Variants in SLC25A48 observed in about 807,000 individuals in gnomAD.
SLC25A48 encodes solute carrier family 25 member 48.
Under a neutral mutation model 32.2 loss-of-function variants are expected in SLC25A48, and 29 were observed. That is an observed-to-expected ratio of 0.90 (90% CI 0.67 to 1.23). SLC25A48 has a LOEUF of 1.23. Among genes scored for constraint, SLC25A48 ranks in the 50% most tolerant of loss-of-function variants. SLC25A48 has a pLI of 0.00. For synonymous variants in SLC25A48, 164 were observed against 172.3 expected (o/e 0.95, Z 0.38); for missense variants, 399 against 422.7 (o/e 0.94, Z 0.49).
In SLC25A48 at chr5:135,684,299, TC is replaced by T. The variant is rs994012523; in HGVS notation, c.-521+49348del. 3.9e-5 allele frequency among the ~76,000 whole-genome samples: 6 copies of T among 152,142 alleles called. No individual in the cohort carries two copies. The East Asian group carries it at 1.2e-3, about 29-fold the overall frequency. On this transcript the variant is annotated intron_variant, in intron 3 of 10. Transcript: ENST00000646290. ...CAATTCTTTAATTTTTACTCCCTTC[TC>T]CCCCTTTTTTTTCCTCCACAAATGG... is the stretch of plus-strand genomic sequence containing the variant.
At chr5:135,692,360 C>G (rs184043249) in intron 3 of SLC25A48, among the ~76,000 whole-genome samples, 1 of 135,824 alleles carries the variant, frequency 7.4e-6, no homozygotes, top group Non-Finnish European at 1.6e-5. Context: ...CGTGCTAGTT[C>G]TTTGTCTGGC....
At chr5:135,764,104 G>T (rs971287238) in intron 3 of SLC25A48, among the ~76,000 whole-genome samples, 1 of 152,074 alleles carries the variant, frequency 6.6e-6, no homozygotes, top group African/African-American at 2.4e-5. Flanking sequence ...ATCGCAAGGG[G>T]TGTACACCCC....
intron 3 of SLC25A48, among the ~76,000 whole-genome samples, chr5:135,669,144 G>A (rs1561783099): frequency 6.6e-6 from 1 of 152,124 alleles, no homozygotes; most frequent in Non-Finnish European, 1.5e-5. Context: ...TTAAGAAACA[G>A]GCCATGAGAG....
chr5:135,682,105 A>C (rs2126951011), intron 3 of SLC25A48, among the ~76,000 whole-genome samples: 1 of 152,312 alleles, frequency 6.6e-6, no homozygotes, highest in South Asian at 2.1e-4. Context: ...TTTGCCTCCC[A>C]AAATTCTTAA....
intron 4 of SLC25A48, among the ~76,000 whole-genome samples, chr5:135,864,020 A>C (rs4246802): frequency 0.8 from 121,328 of 152,090 alleles, 48,586 homozygotes; most frequent in Middle Eastern, 0.89. Flanking sequence ...TGAAGACCAT[A>C]TGGATAGAAA....
chr5:135,885,728 G>A (rs1382720241), intron 7 of SLC25A48, among the ~76,000 whole-genome samples: 2 of 152,196 alleles, frequency 1.3e-5, no homozygotes, highest in Non-Finnish European at 2.9e-5. Flanking sequence ...GGGCAAAAAT[G>A]CAAGCATGAC....
chr5:135,747,264 T>G (rs1755663455), intron 3 of SLC25A48, among the ~76,000 whole-genome samples: 1 of 151,788 alleles, frequency 6.6e-6, no homozygotes, highest in Admixed American at 6.6e-5. Context: ...ATATATGATA[T>G]CTATATATAT....
At chr5:135,748,273 G>A (rs1755689423) in intron 3 of SLC25A48, among the ~76,000 whole-genome samples, 1 of 152,130 alleles carries the variant, frequency 6.6e-6, no homozygotes, top group African/African-American at 2.4e-5. Context: ...ACTATACATT[G>A]GAGGGCAGGA....
intron 7 of SLC25A48, chr5:135,883,082 T>C: frequency 2.0e-6 from 2 of 985,412 alleles, no homozygotes; most frequent in Non-Finnish European, 2.4e-6. Context: ...CATTAACAGG[T>C]CAATGCTAAA....
intron 3 of SLC25A48, among the ~76,000 whole-genome samples, chr5:135,673,957 A>G (rs1428724477): frequency 2.0e-5 from 3 of 151,752 alleles, no homozygotes; most frequent in African/African-American, 7.3e-5. Flanking sequence ...TTCTTATACA[A>G]GTTGTTCTAA....
At chr5:135,842,596 G>A in intron 2 of SLC25A48, 137 bp downstream of exon 2, 1 of 860,374 alleles carries the variant, frequency 1.2e-6, no homozygotes, top group Non-Finnish European at 1.8e-6. Flanking sequence ...TCCAGGGGGT[G>A]TTGGGTGCCA....
chr5:135,712,700 T>C (rs1228105408), intron 3 of SLC25A48, among the ~76,000 whole-genome samples: 1 of 152,098 alleles, frequency 6.6e-6, no homozygotes, highest in Non-Finnish European at 1.5e-5. Context: ...GAGGAGAGGG[T>C]ACTCCAAAAG....
intron 3 of SLC25A48, among the ~76,000 whole-genome samples, chr5:135,642,040 C>A (rs1169982174): frequency 2.0e-5 from 3 of 152,174 alleles, no homozygotes; most frequent in Non-Finnish European, 4.4e-5. Context: ...CTTTAATGAG[C>A]AGTGGTAGTA....
intron 3 of SLC25A48, among the ~76,000 whole-genome samples, chr5:135,750,530 C>T (rs1297628313): frequency 1.1e-4 from 17 of 152,258 alleles, no homozygotes; most frequent in African/African-American, 2.4e-4. Context: ...ATATTCTCTC[C>T]GTCAAAGCAT....
chr5:135,644,867 C>T (rs1162126813), intron 3 of SLC25A48, among the ~76,000 whole-genome samples: 1 of 152,178 alleles, frequency 6.6e-6, no homozygotes, highest in Non-Finnish European at 1.5e-5. Context: ...GACTTTCCAC[C>T]AAGGCTTTCC....
intron 1 of SLC25A48, among the ~76,000 whole-genome samples, chr5:135,835,986 C>T (rs1167145805): frequency 6.6e-6 from 1 of 152,216 alleles, no homozygotes; most frequent in Non-Finnish European, 1.5e-5. Context: ...CCTAACTTTC[C>T]CAGTTAGGGG....
intron 4 of SLC25A48, among the ~76,000 whole-genome samples, chr5:135,820,417 C>A (rs1411608377): frequency 6.6e-6 from 1 of 152,136 alleles, no homozygotes; most frequent in East Asian, 1.9e-4. Flanking sequence ...GAGCAGATTA[C>A]CTGAAAAGAG....
chr5:135,834,668 G>C lies in SLC25A48; in HGVS notation c.-180G>C. 1.6e-6 allele frequency: 1 copy of C among 636,562 alleles called. No individual in the cohort carries two copies. Among genetic ancestry groups the C allele is most frequent in the Non-Finnish European group, 2.7e-6 (1 of 372,912 alleles). 39.4% of individuals were successfully genotyped at this position (636,562 alleles called of 1,614,324 possible). The stretch of plus-strand genomic sequence containing the variant: ...GATGTCAGCCGCCCTCCGGCACTTG[G>C]AGAGGTGAGCGCGGCAGCCCGCGCA... On this transcript the variant is annotated 5_prime_UTR_variant, in exon 1 of 8. Coordinates refer to ENST00000681962, the MANE Select transcript of SLC25A48 (RefSeq NM_001349336.2).
chr5:135,874,202 G>A (rs1052360131), intron 6 of SLC25A48, 48 bp downstream of exon 6: 19 of 1,399,330 alleles, frequency 1.4e-5, no homozygotes, highest in Non-Finnish European at 1.8e-5. Context: ...CCTGGAAGGT[G>A]GTTCACACAT....
Sources: gnomAD v4.1 joint callset for allele counts (sites outside exome capture counted in the v4.1 genomes callset) on GRCh38, gnomAD v4.1.1 for gene constraint, MANE v1.5 for transcripts, NCBI Gene and HGNC (gene_info 2026-07-23, HGNC 2026-07-21) for gene names.